The following PDE1C variants were observed in gnomAD, a reference collection of about 807,000 sequenced individuals.
PDE1C encodes phosphodiesterase 1C, also known as dual specificity calcium/calmodulin-dependent 3',5'-cyclic nucleotide phosphodiesterase 1C.
PDE1C carries 62 observed loss-of-function variants against 93.1 expected under a neutral mutation model. The ratio of observed to expected loss-of-function variants is 0.67; its 90% CI spans 0.54 to 0.82. The LOEUF (loss-of-function observed/expected upper bound fraction) is 0.82, where lower values mean the gene tolerates loss of function less well. Ranked by LOEUF, PDE1C falls within the 40% of genes least tolerant of loss-of-function variation. PDE1C has a pLI of 0.00. For missense variants in PDE1C, 742 were observed against 884.6 expected (o/e 0.84, Z 2.04); for synonymous variants, 325 against 310.1 (o/e 1.05, Z -0.50).
At chr7:31,787,091 C>T (rs1784084784) in intron 16 of PDE1C, 1 of 152,144 alleles carries the variant, frequency 6.6e-6, no homozygotes, top group African/African-American at 2.4e-5. Context: ...TTTTGGATTA[C>T]CGTCTCACAT....
chr7:31,883,704 G>T (rs767748667), intron 2 of PDE1C, among the ~76,000 whole-genome samples: 1 of 152,200 alleles, frequency 6.6e-6, no homozygotes, highest in Non-Finnish European at 1.5e-5. Context: ...TGTGATCAGG[G>T]GGCTGGGACC....
intron 3 of PDE1C, among the ~76,000 whole-genome samples, chr7:32,116,075 C>A (rs986007733): frequency 3.3e-5 from 5 of 152,158 alleles, no homozygotes; most frequent in African/African-American, 9.7e-5. Flanking sequence ...TTTCTTAGAC[C>A]AAGCCCTTAA....
At chr7:31,788,409 G>A (rs1784231277) in intron 16 of PDE1C, 1 of 152,194 alleles carries the variant, frequency 6.6e-6, no homozygotes, top group African/African-American at 2.4e-5. Context: ...GTGTTTGTAA[G>A]TTTTTGAGTT....
intron 1 of PDE1C, among the ~76,000 whole-genome samples, chr7:32,398,675 C>T (rs1784886029): frequency 6.6e-6 from 1 of 152,094 alleles, no homozygotes; most frequent in South Asian, 2.1e-4. Flanking sequence ...AGGCGTGAAC[C>T]ACGGTGCCCG....
At chr7:31,880,478 T>A (rs1797104517) in intron 3 of PDE1C, among the ~76,000 whole-genome samples, 1 of 152,230 alleles carries the variant, frequency 6.6e-6, no homozygotes, top group Non-Finnish European at 1.5e-5. Context: ...AGTGGATTTT[T>A]AAAAATTCGT....
At chr7:31,759,296 G>A (rs1350997753) in intron 17 of PDE1C, among the ~76,000 whole-genome samples, 1 of 152,124 alleles carries the variant, frequency 6.6e-6, no homozygotes, top group Non-Finnish European at 1.5e-5. Context: ...ATGGCCTTCT[G>A]AGGGTACCCT....
intron 1 of PDE1C, among the ~76,000 whole-genome samples, chr7:32,066,366 T>C (rs1243390314): frequency 6.6e-6 from 1 of 152,212 alleles, no homozygotes; most frequent in African/African-American, 2.4e-5. Context: ...ATTAATAATG[T>C]TACTTTAGGT....
intron 16 of PDE1C, among the ~76,000 whole-genome samples, chr7:31,776,105 G>A (rs993832394): frequency 1.9e-4 from 29 of 152,212 alleles, no homozygotes; most frequent in African/African-American, 7.0e-4. Flanking sequence ...TCATTCTAAT[G>A]TGCATCCAGG....
the PDE1C span, among the ~76,000 whole-genome samples, chr7:31,620,198 G>A: frequency 6.6e-6 from 1 of 152,136 alleles, no homozygotes; most frequent in African/African-American, 2.4e-5. Flanking sequence ...CAAACAAAAA[G>A]ACAGCAGTAA....
rs71559222 is a variant in PDE1C at position 32,350,075 on chromosome 7, C to CTGT, written c.310+77744_310+77746dup. Among the ~76,000 whole-genome samples, 55 of 148,858 alleles carry CTGT rather than the reference C, an allele frequency of 3.7e-4. 1 individual carries two copies. Among genetic ancestry groups the CTGT allele is most frequent in the Middle Eastern group, 6.9e-3 (2 of 288 alleles). ...TGTGGCATTCCTTTGTATTGTCTTG[C>CTGT]TGTTGTTGTTGTTGTTGTTCTTCTT... is the stretch of plus-strand genomic sequence containing the variant. On this transcript the variant is annotated intron_variant, in intron 1 of 1. Coordinates refer to the PDE1C transcript ENST00000672256.
the PDE1C span, among the ~76,000 whole-genome samples, chr7:31,700,718 C>T: frequency 1.3e-5 from 2 of 152,020 alleles, no homozygotes; most frequent in Non-Finnish European, 2.9e-5. Flanking sequence ...GGGATAATGC[C>T]CCGGTGACTT....
chr7:32,012,608 G>T (rs1198047021), intron 2 of PDE1C, among the ~76,000 whole-genome samples: 1 of 152,148 alleles, frequency 6.6e-6, no homozygotes, highest in Non-Finnish European at 1.5e-5. Flanking sequence ...CTGGGGATAG[G>T]CATATGGGGG....
At chr7:31,712,304 A>G in the PDE1C span, among the ~76,000 whole-genome samples, 1 of 107,554 alleles carries the variant, frequency 9.3e-6, no homozygotes, top group African/African-American at 4.4e-5. Flanking sequence ...ATGAATGAAT[A>G]AAAAGACTTT....
the PDE1C span, among the ~76,000 whole-genome samples, chr7:31,691,593 T>G: frequency 0.02 from 3,004 of 151,928 alleles, 112 homozygotes; most frequent in African/African-American, 0.068. Flanking sequence ...CTATAACTAA[T>G]AGCTCTGGAA....
chr7:32,087,568 A>G (rs1271164855), intron 3 of PDE1C, among the ~76,000 whole-genome samples: 2 of 152,218 alleles, frequency 1.3e-5, no homozygotes, highest in African/African-American at 2.4e-5. Context: ...TTATTGCAGC[A>G]CTATTCACAA....
intron 3 of PDE1C, among the ~76,000 whole-genome samples, chr7:32,079,900 G>A (rs529401306): frequency 1.7e-4 from 26 of 152,290 alleles, no homozygotes; most frequent in Admixed American, 1.2e-3. Context: ...AGGGTGTGGG[G>A]AGGGAGTGAT....
At chr7:32,378,645 G>A (rs529858943) in intron 1 of PDE1C, among the ~76,000 whole-genome samples, 1,639 of 152,026 alleles carry the variant, frequency 0.011, 27 homozygotes, top group African/African-American at 0.037. Context: ...AGTGTTTTTT[G>A]CATGTCTGAC....
chr7:31,838,170 T>G (rs1021970233), intron 9 of PDE1C, among the ~76,000 whole-genome samples, 199 bp from the exon 10 acceptor site: 1 of 152,134 alleles, frequency 6.6e-6, no homozygotes, highest in African/African-American at 2.4e-5. Flanking sequence ...ATTAGGAATA[T>G]GATACATGGA....
At chr7:32,111,362 A>AC (rs1798630297) in intron 3 of PDE1C, among the ~76,000 whole-genome samples, 1 of 152,220 alleles carries the variant, frequency 6.6e-6, no homozygotes, top group Non-Finnish European at 1.5e-5. Context: ...AAAGAATAGT[A>AC]CCACATTCAT....
Sources: gnomAD v4.1 joint callset for allele counts (sites outside exome capture counted in the v4.1 genomes callset) on GRCh38, gnomAD v4.1.1 for gene constraint, MANE v1.5 for transcripts, NCBI Gene and HGNC (gene_info 2026-07-23, HGNC 2026-07-21) for gene names.